The following GTF2A2 variants were observed in gnomAD, a reference collection of about 807,000 sequenced individuals.
GTF2A2 encodes general transcription factor IIA subunit 2, also known as transcription initiation factor IIA subunit 2.
In GTF2A2, 9 loss-of-function variants were observed where a neutral mutation model predicts 14.3. The ratio of observed to expected loss-of-function variants is 0.63; its 90% confidence interval spans 0.38 to 1.10. GTF2A2 has a LOEUF of 1.10. Ranked by LOEUF, GTF2A2 falls within the 50% of genes least tolerant of loss-of-function variation. The pLI, the probability that GTF2A2 is intolerant of heterozygous loss-of-function variation, is 0.01. For synonymous variants in GTF2A2, 56 were observed against 46.0 expected (o/e 1.22, Z -0.88); for missense variants, 90 against 124.6 (o/e 0.72, Z 1.32).
At chr15:59,654,604 T>C (rs1891889425) in intron 1 of GTF2A2, among the ~76,000 whole-genome samples, 4 of 152,218 alleles carry the variant, frequency 2.6e-5, no homozygotes, top group African/African-American at 9.7e-5. Flanking sequence ...CATTTACATA[T>C]TTACCAACTA....
intron 1 of GTF2A2, among the ~76,000 whole-genome samples, chr15:59,653,169 A>G (rs1566934970): frequency 1.3e-5 from 2 of 152,100 alleles, no homozygotes; most frequent in Non-Finnish European, 2.9e-5. Flanking sequence ...TTTAGGCAGG[A>G]AAGGTCAGAC....
chr15:59,639,076 C>CTCTTCAAAAGCAATGAATAACAGAA lies in GTF2A2; in HGVS notation c.*31_*55dup, dbSNP rs1891288943. On this transcript the variant is annotated 3_prime_UTR_variant, in exon 5 of 5. Coordinates refer to ENST00000396060, the MANE Select transcript of GTF2A2 (RefSeq NM_004492.3). ...TAAATAAAAAGTCTCTTCTATGCTT[C>CTCTTCAAAAGCAATGAATAACAGAA]TCTTCAAAAGCAATGAATAACAGAA... is the stretch of plus-strand genomic sequence containing the variant. The CTCTTCAAAAGCAATGAATAACAGAA allele has an allele frequency of 1.1e-5, 11 of 987,634 alleles. No homozygotes were observed. The highest frequency in any genetic ancestry group is 2.5e-4 in the Middle Eastern group (1 of 4,060). The allele number at this position is 987,634 out of a possible 1,614,324, so 61.2% of individuals were successfully genotyped here. A position where few individuals can be genotyped will look rare whatever the true frequency, so the allele number is the denominator to read the frequency against.
chr15:59,652,359 T>A, intron 1 of GTF2A2, 33 bp from the exon 2 acceptor site: 1 of 734,688 alleles, frequency 1.4e-6, no homozygotes, highest in Non-Finnish European at 2.3e-6. Flanking sequence ...TTAAAAAAGA[T>A]CATACTGTAA....
intron 1 of GTF2A2, among the ~76,000 whole-genome samples, chr15:59,654,544 T>G (rs1264043994): frequency 2.0e-5 from 3 of 152,240 alleles, no homozygotes; most frequent in African/African-American, 7.2e-5. Context: ...ATGCTTATTC[T>G]GTCTCCATCT....
intron 4 of GTF2A2, among the ~76,000 whole-genome samples, chr15:59,639,807 G>A (rs749523860): frequency 6.6e-6 from 1 of 151,940 alleles, no homozygotes; most frequent in Non-Finnish European, 1.5e-5. Flanking sequence ...CTGGAGTGCA[G>A]TAGCGCAATC....
intron 3 of GTF2A2, among the ~76,000 whole-genome samples, chr15:59,642,499 C>A (rs1482938156): frequency 6.6e-6 from 1 of 152,162 alleles, no homozygotes; most frequent in African/African-American, 2.4e-5. Context: ...TTGCAAATTA[C>A]TTACCTGAAA....
rs930661789 is a variant in GTF2A2, at chr15:59,639,048, G to C, written c.*84C>G. On this transcript the variant is annotated 3_prime_UTR_variant, in exon 5 of 5. Coordinates refer to ENST00000396060, the MANE Select transcript of GTF2A2 (RefSeq NM_004492.3). The stretch of plus-strand genomic sequence containing the variant: ...CAGTGTAGTCATTTCTGCAATTCTA[G>C]AATAAATAAAAAGTCTCTTCTATGC... 3.0e-5 allele frequency: 25 copies of C among 826,626 alleles called. No individual in the cohort carries two copies. In the African/African-American group the frequency reaches 3.4e-4, roughly 11 times the overall value. The allele number at this position is 826,626 out of a possible 1,614,324, so 51.2% of individuals were successfully genotyped here.
At chr15:59,651,829 G>C (rs901155389) in intron 2 of GTF2A2, 2 of 165,112 alleles carry the variant, frequency 1.2e-5, no homozygotes, top group South Asian at 1.5e-4. Flanking sequence ...TGGGACTATA[G>C]GCATGCGCCC....
chr15:59,639,058 A>AAAGTCTCTTC lies in GTF2A2; in HGVS notation c.*64_*73dup, dbSNP rs1891287654. ...ATTTCTGCAATTCTAGAATAAATAA[A>AAAGTCTCTTC]AAGTCTCTTCTATGCTTCTCTTCAA... On this transcript the variant is annotated 3_prime_UTR_variant, in exon 5 of 5. Transcript: ENST00000396060. 6.9e-6 allele frequency: 6 copies of AAAGTCTCTTC among 871,718 alleles called. No individual in the cohort carries two copies. Among genetic ancestry groups the AAAGTCTCTTC allele is most frequent in the African/African-American group, 1.7e-5 (1 of 59,396 alleles). 54.0% of individuals were successfully genotyped at this position (871,718 alleles called of 1,614,324 possible).
At chr15:59,644,129 AG>A (rs1432497627) in intron 3 of GTF2A2, among the ~76,000 whole-genome samples, 84 of 152,258 alleles carry the variant, frequency 5.5e-4, no homozygotes, top group African/African-American at 1.9e-3. Flanking sequence ...TTCTGACCTC[AG>A]GTGATCTGCC....
At chr15:59,652,538 C>G (rs1186142447) in intron 1 of GTF2A2, among the ~76,000 whole-genome samples, 2 of 152,066 alleles carry the variant, frequency 1.3e-5, no homozygotes, top group Non-Finnish European at 2.9e-5. Context: ...CATTTATACT[C>G]CTTTATGCAG....
At chr15:59,652,151 A>T in intron 2 of GTF2A2, 55 bp downstream of exon 2, 3 of 967,544 alleles carry the variant, frequency 3.1e-6, no homozygotes, top group Non-Finnish European at 4.9e-6. Flanking sequence ...ATATGACAAG[A>T]ATTACTGTAA....
At chr15:59,642,284 A>C (rs749115140) in intron 3 of GTF2A2, 22 bp from the exon 4 acceptor site, 3 of 1,566,130 alleles carry the variant, frequency 1.9e-6, no homozygotes, top group Non-Finnish European at 1.7e-6. Flanking sequence ...AACATTTAGA[A>C]ATACCGTGAA....
At chr15:59,652,155 A>T in intron 2 of GTF2A2, 51 bp downstream of exon 2, 1 of 990,480 alleles carries the variant, frequency 1.0e-6, no homozygotes, top group South Asian at 1.4e-5. Flanking sequence ...GACAAGAATT[A>T]CTGTAAACCC....
At chr15:59,643,309 A>G (rs556340527) in intron 3 of GTF2A2, among the ~76,000 whole-genome samples, 1 of 151,848 alleles carries the variant, frequency 6.6e-6, no homozygotes, top group East Asian at 1.9e-4. Context: ...CAAACTCCTG[A>G]CCTCAGATGA....
chr15:59,638,688 A>G lies in GTF2A2; in HGVS notation c.*444T>C, dbSNP rs1891269063. The G allele has an allele frequency of 6.6e-6, 1 of 152,550 alleles. No homozygotes were observed. The highest frequency in any genetic ancestry group is 2.1e-4 in the South Asian group (1 of 4,838). 9.4% of individuals were successfully genotyped at this position (152,550 alleles called of 1,614,324 possible). A position where few individuals can be genotyped will look rare whatever the true frequency, so the allele number is the denominator to read the frequency against. On this transcript the variant is annotated 3_prime_UTR_variant, in exon 5 of 5. Transcript: ENST00000396060. ...GCAAGGGATTTTCTTAAAAAATTCC[A>G]TCCAGAGTTTGGTTTTGCCCCTGCT...
chr15:59,656,586 C>CA (rs139153225), intron 1 of GTF2A2, among the ~76,000 whole-genome samples: 1,588 of 149,826 alleles, frequency 0.011, 35 homozygotes, highest in African/African-American at 0.036. Flanking sequence ...CAATAGGAGC[C>CA]AAAAAAAAAT....
rs1398201215 is a variant in GTF2A2 at position 59,638,535 on chromosome 15, C to G, written c.*597G>C. ...TGTTTGGGTTTTTTTCCCCCTTCCTCATGTTACCTGGTCTAAGAAGGAAAG... is the reference window on the plus strand; with the variant it reads ...TGTTTGGGTTTTTTTCCCCCTTCCTGATGTTACCTGGTCTAAGAAGGAAAG... On this transcript the variant is annotated 3_prime_UTR_variant, in exon 5 of 5. Coordinates refer to ENST00000396060, the MANE Select transcript of GTF2A2 (RefSeq NM_004492.3). 2 of 152,200 alleles carry G rather than the reference C, an allele frequency of 1.3e-5. No homozygotes were observed. Among genetic ancestry groups the G allele is most frequent in the East Asian group, 3.9e-4 (2 of 5,192 alleles). 9.4% of individuals were successfully genotyped at this position (152,200 alleles called of 1,614,324 possible). A position where few individuals can be genotyped will look rare whatever the true frequency, so the allele number is the denominator to read the frequency against.
At chr15:59,648,077 G>A (rs1334459685) in intron 3 of GTF2A2, among the ~76,000 whole-genome samples, 1 of 151,830 alleles carries the variant, frequency 6.6e-6, no homozygotes, top group Non-Finnish European at 1.5e-5. Flanking sequence ...TTTATCTATG[G>A]GCATATGTTC....
Sources: allele counts gnomAD v4.1 joint callset (sites outside exome capture counted in the v4.1 genomes callset), GRCh38; gene constraint gnomAD v4.1.1; transcripts MANE v1.5; gene names NCBI Gene and HGNC (gene_info 2026-07-23, HGNC 2026-07-21).